Variants in EXTL1 observed in about 807,000 individuals in gnomAD.
The protein encoded by EXTL1 is exostosin like glycosyltransferase 1, also known as exostosin-like 1.
EXTL1 carries 43 observed loss-of-function variants against 64.6 expected under a neutral mutation model. That is an observed-to-expected ratio of 0.67 (90% confidence interval 0.52 to 0.86). The LOEUF is 0.86. Ranked by LOEUF, EXTL1 falls within the 40% of genes least tolerant of loss-of-function variation. The pLI, the probability that EXTL1 is intolerant of heterozygous loss-of-function variation, is 0.00. For synonymous variants in EXTL1, 352 were observed against 360.5 expected (o/e 0.98, Z 0.27); for missense variants, 766 against 879.0 (o/e 0.87, Z 1.62).
At position 26,023,123 on chromosome 1, in the gene EXTL1, T is replaced by C. The variant is rs752687513; in HGVS notation, c.477T>C (p.His159=). 5 of 1,613,920 alleles carry C rather than the reference T, an allele frequency of 3.1e-6. No homozygotes were observed. The highest frequency in any genetic ancestry group is 3.4e-6 in the Non-Finnish European group (4 of 1,179,978). ...MPLQWNRGRN[H]LVLRLHPAPC... is the part of the protein sequence containing the mutation. Reference sequence around the variant, plus strand: ...TGCAATGGAACAGGGGCAGGAACCATCTGGTCCTCCGTCTCCACCCGGCTC... The same window carrying C: ...TGCAATGGAACAGGGGCAGGAACCACCTGGTCCTCCGTCTCCACCCGGCTC... Residue 159 remains histidine, a synonymous_variant, in exon 1 of 11, where the codon CAT becomes CAC. Coordinates refer to ENST00000374280, the MANE Select transcript of EXTL1 (RefSeq NM_004455.3).
Position 26,035,353 on chromosome 1 carries a change from C to A in EXTL1, c.*6C>A, listed in dbSNP as rs775421891. 1 of 1,594,140 alleles carries A rather than the reference C, an allele frequency of 6.3e-7. No individual in the cohort carries two copies. Among genetic ancestry groups the A allele is most frequent in the Non-Finnish European group, 8.6e-7 (1 of 1,166,624 alleles). ...GCAGCCTGGAGAAGCCCTAGGGGGG[C>A]GACCCGCGGAGACCCCAGCAGAGGT... On this transcript the variant is annotated 3_prime_UTR_variant, in exon 11 of 11. Coordinates refer to ENST00000374280, the MANE Select transcript of EXTL1 (RefSeq NM_004455.3). This position sits in a 1 kb window ranked among gnomAD's most constrained non-coding sequence, Gnocchi z 5.3.
Position 26,031,207 on chromosome 1 carries a change from G to A in EXTL1, c.1177G>A (p.Ala393Thr). 6.2e-7 allele frequency: 1 copy of A among 1,613,992 alleles called. No individual in the cohort carries two copies. Among genetic ancestry groups the A allele is most frequent in the Non-Finnish European group, 8.5e-7 (1 of 1,179,970 alleles). The change falls in exon 5 of 11, where the codon GCC (alanine) becomes ACC (threonine). Residue 393 changes from alanine to threonine, a missense_variant. Physicochemically the swap from Ala to Thr is moderately conservative, Grantham distance 58. Transcript: ENST00000374280. ...LWNSPPGALL[A>T]LSTFSTSPQD... is the part of the protein sequence containing the mutation. ...GAACAGCCCCCCAGGGGCACTCCTG[G>A]CCCTGTCTACTTTTTCCACAAGCCC...
In EXTL1 at chr1:26,031,506, C is replaced by A; in HGVS notation, c.1281C>A (p.Pro427=). The A allele has an allele frequency of 6.2e-7, 1 of 1,600,712 alleles. No individual in the cohort carries two copies. Among genetic ancestry groups the A allele is most frequent in the East Asian group, 2.3e-5 (1 of 44,404 alleles). The part of the protein sequence containing the change: ...GRFSALIWVG[P]PGQPPLKLIQ... ...TCAGCGCCCTGATCTGGGTGGGGCC[C>A]CCAGGCCAGCCCCCTCTGAAGCTCA... Residue 427 remains proline, a synonymous_variant, in exon 6 of 11, where the codon CCC becomes CCA. Coordinates refer to ENST00000374280, the MANE Select transcript of EXTL1 (RefSeq NM_004455.3).
chr1:26,029,043 G>A (rs2050249130), intron 1 of EXTL1, 150 bp from the exon 2 acceptor site: 1 of 596,492 alleles, frequency 1.7e-6, no homozygotes, highest in South Asian at 2.0e-5. Context: ...GCGTCAGTGT[G>A]CGGCTGTGCA....
chr1:26,029,542 G>A (rs532292679), intron 2 of EXTL1, 58 bp from the exon 3 acceptor site: 21 of 1,027,742 alleles, frequency 2.0e-5, no homozygotes, highest in Middle Eastern at 2.9e-4. Context: ...GGAACTGGGC[G>A]GGGGGTGAGT....
Position 26,034,975 on chromosome 1 carries a change from G to A in EXTL1, c.1819G>A (p.Gly607Ser). Residue 607 changes from glycine (G) to serine (S), a missense_variant, in exon 10 of 11, where the codon GGC becomes AGC. Gly to Ser is a moderately conservative substitution (Grantham distance 56, BLOSUM62 0). Around this residue, in one of 3 missense-constraint regions of EXTL1, gnomAD observed 194 missense variants for 214.5 expected, o/e 0.90. Coordinates refer to ENST00000374280, the MANE Select transcript of EXTL1 (RefSeq NM_004455.3). This position sits in a 1 kb window ranked among gnomAD's most constrained non-coding sequence, Gnocchi z 4.6. The part of the protein sequence containing the change: ...TKLPPIKVPY[G>S]KQRQEAAPLA... ...GCTGCCCCCTATCAAGGTGCCCTAT[G>A]GCAAGCAGCGCCAGGAGGCTGCTCC... is the stretch of plus-strand genomic sequence containing the variant. 4 of 1,614,194 alleles carry A rather than the reference G, an allele frequency of 2.5e-6. No homozygotes were observed. Among genetic ancestry groups the A allele is most frequent in the Non-Finnish European group, 2.5e-6 (3 of 1,180,034 alleles).
Position 26,031,582 on chromosome 1 carries a change from A to C in EXTL1, c.1341+16A>C, listed in dbSNP as rs2050288007. 1 of 1,494,108 alleles carries C rather than the reference A, an allele frequency of 6.7e-7. No individual in the cohort carries two copies. The allele number at this position is 1,494,108 out of a possible 1,614,324, so 92.6% of individuals were successfully genotyped here. A position where few individuals can be genotyped will look rare whatever the true frequency, so the allele number is the denominator to read the frequency against. ...CTGTGCCCAGGTCTGCCCCCTTCCC[A>C]GCTGGAGTCCTGGGATCCAGGGTGG... On this transcript the variant is annotated intron_variant, in intron 6 of 10. Transcript: ENST00000374280.
chr1:26,033,901 A>G lies in EXTL1; in HGVS notation c.1679+45A>G. The G allele has an allele frequency of 3.2e-6, 5 of 1,558,588 alleles. No homozygotes were observed. The highest frequency in any genetic ancestry group is 4.4e-6 in the Non-Finnish European group (5 of 1,147,818). On this transcript the variant is annotated intron_variant, in intron 9 of 10. Coordinates refer to ENST00000374280, the MANE Select transcript of EXTL1 (RefSeq NM_004455.3). The surrounding 1 kb of genome is among the most constrained non-coding windows in gnomAD (Gnocchi z 5.1). ...ACAGGGATCAGAGTATCAGAGGACC[A>G]GAGACCCCACCCCCACCCCGAACGG... is the stretch of plus-strand genomic sequence containing the variant.
chr1:26,031,931 G>A (rs2050291523), intron 6 of EXTL1, among the ~76,000 whole-genome samples: 2 of 152,188 alleles, frequency 1.3e-5, no homozygotes, highest in East Asian at 1.9e-4. Context: ...CACACAGACT[G>A]TCAAATCTTA....
In EXTL1 at chr1:26,035,398, G is replaced by T. The variant is rs1167722870; in HGVS notation, c.*51G>T. 2 of 1,511,426 alleles carry T rather than the reference G, an allele frequency of 1.3e-6. No homozygotes were observed. The highest frequency in any genetic ancestry group is 2.2e-5 in the Admixed American group (1 of 45,744). 93.6% of individuals were successfully genotyped at this position (1,511,426 alleles called of 1,614,324 possible). ...AGAGGTCGCAGCCCAGCTCCCAGGG[G>T]GCCCGGCGCCTGCCGGCGGGCTCCG... On this transcript the variant is annotated 3_prime_UTR_variant, in exon 11 of 11. Transcript: ENST00000374280. This position sits in a 1 kb window ranked among gnomAD's most constrained non-coding sequence, Gnocchi z 5.3.
At chr1:26,030,669 T>C in intron 4 of EXTL1, 74 bp downstream of exon 4, 5 of 1,479,786 alleles carry the variant, frequency 3.4e-6, no homozygotes, top group Non-Finnish European at 4.6e-6. Flanking sequence ...CATACTTCTC[T>C]GCCACAGTGT....
At position 26,035,524 on chromosome 1, in the gene EXTL1, G is replaced by C; in HGVS notation, c.*177G>C. 1 of 491,064 alleles carries C rather than the reference G, an allele frequency of 2.0e-6. No individual in the cohort carries two copies. Among genetic ancestry groups the C allele is most frequent in the South Asian group, 4.5e-5 (1 of 22,006 alleles). The allele number at this position is 491,064 out of a possible 1,614,324, so 30.4% of individuals were successfully genotyped here. ...GGGGGGCGTGGCCTTACCTTCTCCT[G>C]CTCGCCCTCAGCCGCGGAGCCTCTG... On this transcript the variant is annotated 3_prime_UTR_variant, in exon 11 of 11. Transcript: ENST00000374280. The surrounding 1 kb of genome is among the most constrained non-coding windows in gnomAD (Gnocchi z 5.3).
At chr1:26,031,653 A>AC in intron 6 of EXTL1, 87 bp downstream of exon 6, 1 of 701,678 alleles carries the variant, frequency 1.4e-6, no homozygotes, top group South Asian at 3.2e-5. Context: ...GACCCCAAAG[A>AC]TGACCACTAT....
chr1:26,026,949 T>C (rs1239645474), intron 1 of EXTL1, among the ~76,000 whole-genome samples: 1 of 152,218 alleles, frequency 6.6e-6, no homozygotes, highest in Non-Finnish European at 1.5e-5. Flanking sequence ...CCTTTACTGA[T>C]GGGGAACTCA....
rs1219735164 is a variant in EXTL1 at position 26,029,656 on chromosome 1, C to T, written c.930C>T (p.Val310=). 3 of 1,612,404 alleles carry T rather than the reference C, an allele frequency of 1.9e-6. No individual in the cohort carries two copies. The East Asian group carries it at 6.7e-5, about 36-fold the overall frequency. The change falls in exon 3 of 11, where the codon GTC becomes GTT. Residue 310 remains valine, a synonymous_variant. Transcript: ENST00000374280. ...GCTGGGAGCTGCCCTTCTCCGAGGT[C>T]ATCGACTGGACCAAGGCAGCCATCG... ...SPRWELPFSE[V]IDWTKAAIVA...
chr1:26,029,728 C>T (rs948579998), intron 3 of EXTL1, 21 bp downstream of exon 3: 1 of 1,535,270 alleles, frequency 6.5e-7, no homozygotes, highest in African/African-American at 1.4e-5. Context: ...GCCCTGCCCA[C>T]AGGGTGGGAA....
At chr1:26,030,998 C>A in intron 4 of EXTL1, 134 bp from the exon 5 acceptor site, 1 of 1,025,978 alleles carries the variant, frequency 9.7e-7, no homozygotes, top group South Asian at 1.4e-5. Flanking sequence ...TCATGGAGTG[C>A]CCCCTACTCT....
rs142030768 is a variant in EXTL1 at position 26,033,844 on chromosome 1, C to A, written c.1667C>A (p.Ala556Asp). 1 of 1,613,772 alleles carries A rather than the reference C, an allele frequency of 6.2e-7. No individual in the cohort carries two copies. Among genetic ancestry groups the A allele is most frequent in the African/African-American group, 1.3e-5 (1 of 75,036 alleles). ...TTCTCCATGGTTCTCACCACAGCCG[C>A]CTTCTACCATAGGTACAGACCCCTA... ...NEFSMVLTTA[A>D]FYHRYYHTLF... The change falls in exon 9 of 11, where the codon GCC becomes GAC. Residue 556 changes from alanine (A) to aspartate (D), a missense_variant. By Grantham distance (126) the Ala-to-Asp change is moderately radical. Around this residue, in one of 3 missense-constraint regions of EXTL1, gnomAD observed 194 missense variants for 214.5 expected, o/e 0.90. Transcript: ENST00000374280. This position sits in a 1 kb window ranked among gnomAD's most constrained non-coding sequence, Gnocchi z 5.1.
intron 1 of EXTL1, among the ~76,000 whole-genome samples, chr1:26,027,897 G>A (rs1188316214): frequency 1.3e-5 from 2 of 152,116 alleles, no homozygotes; most frequent in Non-Finnish European, 2.9e-5. Context: ...GGCAGGGAGG[G>A]GCCCTCCAAC....
Sources: allele counts gnomAD v4.1 joint callset (sites outside exome capture counted in the v4.1 genomes callset), GRCh38; gene constraint gnomAD v4.1.1; regional missense constraint gnomAD v4.1.1; non-coding constraint Gnocchi (gnomAD v3.1); transcripts MANE v1.5; gene names NCBI Gene and HGNC (gene_info 2026-07-23, HGNC 2026-07-21).